NOS1AP: variants seen among roughly 807,000 people sequenced by gnomAD.
The protein encoded by NOS1AP is nitric oxide synthase 1 adaptor protein.
In NOS1AP, 21 loss-of-function variants were observed where a neutral mutation model predicts 56.2. The ratio of observed to expected loss-of-function variants is 0.37; its 90% CI spans 0.26 to 0.54. The LOEUF (loss-of-function observed/expected upper bound fraction) is 0.54, where lower values mean the gene tolerates loss of function less well. Among genes scored for constraint, NOS1AP ranks in the 20% least tolerant of loss-of-function variants. NOS1AP has a pLI of 0.84. For missense variants in NOS1AP, 522 were observed against 657.8 expected (o/e 0.79, Z 2.26); for synonymous variants, 270 against 274.6 (o/e 0.98, Z 0.17).
At chr1:162,344,137 T>C (rs1470774354) in intron 6 of NOS1AP, among the ~76,000 whole-genome samples, 161 bp downstream of exon 6, 1 of 152,236 alleles carries the variant, frequency 6.6e-6, no homozygotes, top group African/African-American at 2.4e-5. Flanking sequence ...GAACACGTAT[T>C]ACTTTTATAA....
chr1:162,151,225 T>G (rs1221584061), intron 1 of NOS1AP, among the ~76,000 whole-genome samples: 1 of 152,258 alleles, frequency 6.6e-6, no homozygotes, highest in East Asian at 1.9e-4. Flanking sequence ...GACTATTCTT[T>G]CCCCAATATA....
chr1:162,315,121 A>T (rs1265050583), intron 4 of NOS1AP, among the ~76,000 whole-genome samples: 1 of 152,216 alleles, frequency 6.6e-6, no homozygotes, highest in African/African-American at 2.4e-5. Context: ...TTGGAATCAC[A>T]TGGATGATGG....
chr1:162,276,950 A>G (rs1264890293), intron 2 of NOS1AP, among the ~76,000 whole-genome samples: 1 of 152,212 alleles, frequency 6.6e-6, no homozygotes, highest in East Asian at 1.9e-4. Context: ...TAGCACTGAA[A>G]GAAACCTTAG....
chr1:162,207,601 T>A (rs1557833017), intron 2 of NOS1AP, among the ~76,000 whole-genome samples: 3 of 152,358 alleles, frequency 2.0e-5, no homozygotes, highest in East Asian at 1.9e-4. Context: ...AAGCAAACAA[T>A]CTGGCAGGGA....
At chr1:162,360,784 C>T (rs1476582115) in intron 8 of NOS1AP, 3 of 456,158 alleles carry the variant, frequency 6.6e-6, no homozygotes, top group East Asian at 6.9e-5. Context: ...GCTGAGACAG[C>T]GGCGCCTGCC....
chr1:162,165,811 T>G (rs1650466697), intron 2 of NOS1AP, among the ~76,000 whole-genome samples: 1 of 152,200 alleles, frequency 6.6e-6, no homozygotes, highest in African/African-American at 2.4e-5. Context: ...TTATTTGATT[T>G]TATGAAACTC....
At chr1:162,131,164 TTGTGTTC>T (rs1183566007) in intron 1 of NOS1AP, among the ~76,000 whole-genome samples, 2 of 152,118 alleles carry the variant, frequency 1.3e-5, no homozygotes. Flanking sequence ...GAACGCTTGC[TTGTGTTC>T]TGTGCTAGGT....
In NOS1AP at chr1:162,357,146, A is replaced by G; in HGVS notation, c.939+10A>G. The G allele has an allele frequency of 6.2e-7, 1 of 1,603,552 alleles. No individual in the cohort carries two copies. The highest frequency in any genetic ancestry group is 8.5e-7 in the Non-Finnish European group (1 of 1,179,580). On this transcript the variant is annotated intron_variant, in intron 8 of 9. Coordinates refer to ENST00000361897, the MANE Select transcript of NOS1AP (RefSeq NM_014697.3). ...AGTGGCTGTGGCCCAGGTTCTCCTC[A>G]GCCTCCTCCCTACTTCGCAGGCTCC...
At chr1:162,105,708 A>C (rs1571014647) in intron 1 of NOS1AP, among the ~76,000 whole-genome samples, 1 of 152,198 alleles carries the variant, frequency 6.6e-6, no homozygotes, top group South Asian at 2.1e-4. Flanking sequence ...CAGCTGTGCT[A>C]TGGGGGAACC....
Position 162,367,241 on chromosome 1 carries a change from G to C in NOS1AP, c.1295G>C (p.Arg432Pro). 1 of 1,613,800 alleles carries C rather than the reference G, an allele frequency of 6.2e-7. No homozygotes were observed. The highest frequency in any genetic ancestry group is 1.6e-4 in the Middle Eastern group (1 of 6,062). Residue 432 changes from arginine to proline, a missense_variant, in exon 10 of 10, where the codon CGC (arginine) becomes CCC (proline). Physicochemically the swap from Arg to Pro is moderately radical, Grantham distance 103 (BLOSUM62 -2). Coordinates refer to ENST00000361897, the MANE Select transcript of NOS1AP (RefSeq NM_014697.3). This position sits in a 1 kb window ranked among gnomAD's most constrained non-coding sequence, Gnocchi z 6.5. ...RDCLVKLECF[R>P]FLPPEDTPPP... ...TGCTTGGTGAAGCTGGAGTGCTTTC[G>C]CTTTCTTCCGCCCGAGGACACCCCG...
At chr1:162,244,372 T>C (rs888927275) in intron 2 of NOS1AP, among the ~76,000 whole-genome samples, 3 of 152,172 alleles carry the variant, frequency 2.0e-5, no homozygotes, top group African/African-American at 7.2e-5. Context: ...TGAATTTAAG[T>C]ATGGAACCTA....
chr1:162,289,624 G>C (rs936983446), intron 3 of NOS1AP, among the ~76,000 whole-genome samples: 1 of 151,658 alleles, frequency 6.6e-6, no homozygotes, highest in African/African-American at 2.4e-5. Flanking sequence ...ACAGGCGCCC[G>C]CCACTACGCC....
chr1:162,171,818 C>T (rs1228899700), intron 2 of NOS1AP, among the ~76,000 whole-genome samples: 1 of 152,076 alleles, frequency 6.6e-6, no homozygotes, highest in Non-Finnish European at 1.5e-5. Context: ...TCCTCATGGC[C>T]ATAGAACAAC....
intron 1 of NOS1AP, among the ~76,000 whole-genome samples, chr1:162,081,744 C>CA (rs1558090499): frequency 1.2e-4 from 10 of 85,250 alleles, no homozygotes; most frequent in African/African-American, 4.1e-4. Flanking sequence ...ATATCTATAT[C>CA]TATATCTATA....
At chr1:162,326,603 C>A (rs1403438244) in intron 4 of NOS1AP, among the ~76,000 whole-genome samples, 5 of 152,080 alleles carry the variant, frequency 3.3e-5, no homozygotes, top group Admixed American at 3.3e-4. Context: ...GGTGGAGACC[C>A]AGGAATGCTA....
intron 8 of NOS1AP, among the ~76,000 whole-genome samples, chr1:162,362,454 A>G (rs1462620183): frequency 7.1e-6 from 1 of 140,556 alleles, no homozygotes; most frequent in Non-Finnish European, 1.5e-5. Flanking sequence ...CAAAAAAAAA[A>G]AAAAAAGAAG....
intron 2 of NOS1AP, among the ~76,000 whole-genome samples, chr1:162,276,515 T>G (rs1192831653): frequency 1.3e-5 from 2 of 148,556 alleles, no homozygotes; most frequent in African/African-American, 5.0e-5. Context: ...GAGAATCACC[T>G]GGGTAGCTTA....
At chr1:162,164,991 C>T (rs148259373) in intron 2 of NOS1AP, among the ~76,000 whole-genome samples, 24 of 152,234 alleles carry the variant, frequency 1.6e-4, no homozygotes, top group African/African-American at 5.3e-4. Context: ...AAAAAGCAGG[C>T]GTTATCCTTA....
intron 4 of NOS1AP, among the ~76,000 whole-genome samples, chr1:162,332,627 T>C (rs76020507): frequency 1.7e-3 from 262 of 152,292 alleles, no homozygotes; most frequent in African/African-American, 6.0e-3. Context: ...CATTTGGGGA[T>C]AATTGTAAAC....
Sources: allele counts gnomAD v4.1 joint callset (sites outside exome capture counted in the v4.1 genomes callset), GRCh38; gene constraint gnomAD v4.1.1; non-coding constraint Gnocchi (gnomAD v3.1); transcripts MANE v1.5; gene names NCBI Gene and HGNC (gene_info 2026-07-23, HGNC 2026-07-21).